Variants in GALNT13 observed in about 807,000 individuals in gnomAD.
GALNT13 encodes UDP-GalNAc:polypeptide N-acetylgalactosaminyltransferase 13.
Under a neutral mutation model 64.2 loss-of-function variants are expected in GALNT13, and 28 were observed. The ratio of observed to expected loss-of-function variants is 0.44; its 90% CI spans 0.32 to 0.60. The LOEUF is 0.60. Ranked by LOEUF, GALNT13 falls within the 20% of genes least tolerant of loss-of-function variation. The pLI is 0.05. For missense variants in GALNT13, 577 were observed against 669.8 expected (o/e 0.86, Z 1.53); for synonymous variants, 214 against 224.6 (o/e 0.95, Z 0.42).
rs1294608280 is a variant in GALNT13, at chr2:154,151,830, A to C, written c.311+11325A>C. Among the ~76,000 whole-genome samples the C allele has an allele frequency of 5.3e-5, 8 of 152,174 alleles. No homozygotes were observed. The East Asian group carries it at 9.7e-4, about 18-fold the overall frequency. ...ATTTTGAGCCTATGTGTGTGTCTGC[A>C]TGTGAGATGGGTTTCCTGAATACAG... On this transcript the variant is annotated intron_variant, in intron 4 of 12. Transcript: ENST00000392825.
At chr2:154,298,011 G>A (rs1015931014) in intron 8 of GALNT13, among the ~76,000 whole-genome samples, 1 of 152,144 alleles carries the variant, frequency 6.6e-6, no homozygotes, top group Non-Finnish European at 1.5e-5. Context: ...GGATACACAA[G>A]TCTGGATCCC....
intron 4 of GALNT13, among the ~76,000 whole-genome samples, chr2:154,216,792 T>TTC (rs1210625679): frequency 9.4e-5 from 14 of 148,966 alleles, no homozygotes; most frequent in Non-Finnish European, 1.9e-4. Flanking sequence ...TTACTTTCAT[T>TTC]TCTCTCTCTC....
At chr2:153,680,207 A>G in the GALNT13 span, among the ~76,000 whole-genome samples, 5 of 151,856 alleles carry the variant, frequency 3.3e-5, no homozygotes, top group African/African-American at 1.2e-4. Context: ...TGAGTGGAGT[A>G]CATTGTAAAG....
chr2:154,417,489 T>TTTTAATTATTTATTTATTTATTTA (rs1700064392), intron 11 of GALNT13, among the ~76,000 whole-genome samples: 1 of 132,320 alleles, frequency 7.6e-6, no homozygotes, highest in Non-Finnish European at 1.6e-5. Context: ...CTTGCCATGC[T>TTTTAATTATTTATTTATTTATTTA]TTTATTTATT....
chr2:153,113,865 T>C, the GALNT13 span, among the ~76,000 whole-genome samples: 1 of 152,088 alleles, frequency 6.6e-6, no homozygotes, highest in Non-Finnish European at 1.5e-5. Flanking sequence ...GTGGCCACTT[T>C]GGTGTTAGAA....
At chr2:154,411,317 TACACACACACACACACACACACAC>T (rs59114913) in intron 11 of GALNT13, among the ~76,000 whole-genome samples, 21 of 147,870 alleles carry the variant, frequency 1.4e-4, no homozygotes, top group South Asian at 2.2e-4. Flanking sequence ...TAATTGCACA[TACACACACACACACACACACACAC>T]ACACACACAC....
At chr2:153,578,632 C>G in the GALNT13 span, among the ~76,000 whole-genome samples, 1 of 152,124 alleles carries the variant, frequency 6.6e-6, no homozygotes, top group Non-Finnish European at 1.5e-5. Flanking sequence ...AGAGAAGACA[C>G]AAAATGAGAA....
chr2:153,418,095 A>G, the GALNT13 span, among the ~76,000 whole-genome samples: 1 of 152,196 alleles, frequency 6.6e-6, no homozygotes, highest in Non-Finnish European at 1.5e-5. Flanking sequence ...ATTGTCCTGG[A>G]GTATCCAGGT....
chr2:153,838,809 G>A, the GALNT13 span, among the ~76,000 whole-genome samples: 1 of 151,710 alleles, frequency 6.6e-6, no homozygotes, highest in East Asian at 1.9e-4. Context: ...TTTTTTCTAT[G>A]TCTGTGAAAA....
chr2:153,827,968 G>A, the GALNT13 span, among the ~76,000 whole-genome samples: 1 of 152,238 alleles, frequency 6.6e-6, no homozygotes, highest in Non-Finnish European at 1.5e-5. Context: ...ACGCAAGTCT[G>A]AAATCCAACA....
chr2:154,106,928 C>G (rs1401939211), intron 3 of GALNT13, among the ~76,000 whole-genome samples: 1 of 152,072 alleles, frequency 6.6e-6, no homozygotes, highest in Non-Finnish European at 1.5e-5. Flanking sequence ...GTGTTTTGGT[C>G]AAGAATGCAG....
At chr2:153,526,459 C>A in the GALNT13 span, among the ~76,000 whole-genome samples, 1 of 152,216 alleles carries the variant, frequency 6.6e-6, no homozygotes, top group Non-Finnish European at 1.5e-5. Context: ...ATCAAGGTGG[C>A]ACCTCAAGAG....
the GALNT13 span, among the ~76,000 whole-genome samples, chr2:153,258,228 T>C: frequency 1.3e-5 from 2 of 152,298 alleles, no homozygotes; most frequent in South Asian, 4.1e-4. Flanking sequence ...AAAGTTTGTT[T>C]TGCAGACAAA....
intron 3 of GALNT13, among the ~76,000 whole-genome samples, chr2:154,043,598 C>T (rs528815571): frequency 6.6e-6 from 1 of 151,294 alleles, no homozygotes. Flanking sequence ...GAATTAAAAA[C>T]AAGTTTACAG....
chr2:154,119,188 A>C (rs374453515), intron 3 of GALNT13, among the ~76,000 whole-genome samples: 13 of 152,168 alleles, frequency 8.5e-5, no homozygotes, highest in East Asian at 3.9e-4. Flanking sequence ...CTGAAAAGAC[A>C]GTTTTACTGG....
At chr2:154,390,983 G>A (rs1698764146) in intron 9 of GALNT13, among the ~76,000 whole-genome samples, 1 of 152,184 alleles carries the variant, frequency 6.6e-6, no homozygotes, top group African/African-American at 2.4e-5. Flanking sequence ...AAAGTCCCTT[G>A]TACAGAGCTT....
At chr2:153,709,885 G>T in the GALNT13 span, among the ~76,000 whole-genome samples, 1 of 151,992 alleles carries the variant, frequency 6.6e-6, no homozygotes, top group South Asian at 2.1e-4. Context: ...CCTAGGCACG[G>T]AAAGACAAAT....
At chr2:153,535,077 G>A in the GALNT13 span, among the ~76,000 whole-genome samples, 1 of 152,052 alleles carries the variant, frequency 6.6e-6, no homozygotes, top group Non-Finnish European at 1.5e-5. Context: ...TGCTTCAGGC[G>A]GGATTAGGGG....
chr2:153,495,419 A>T, the GALNT13 span, among the ~76,000 whole-genome samples: 25 of 152,216 alleles, frequency 1.6e-4, no homozygotes, highest in African/African-American at 6.0e-4. Flanking sequence ...TTGTCCACAG[A>T]AAAATGTATC....
Sources: gnomAD v4.1 joint callset for allele counts (sites outside exome capture counted in the v4.1 genomes callset) on GRCh38, gnomAD v4.1.1 for gene constraint, MANE v1.5 for transcripts, NCBI Gene and HGNC (gene_info 2026-07-23, HGNC 2026-07-21) for gene names.